ADAMTS16: variants seen among roughly 807,000 people sequenced by gnomAD.
ADAMTS16 encodes the protein A disintegrin and metalloproteinase with thrombospondin motifs 16.
Under a neutral mutation model 145.8 loss-of-function variants are expected in ADAMTS16, and 94 were observed. The observed-to-expected ratio is 0.64, with a 90% confidence interval of 0.55 to 0.77. The LOEUF (loss-of-function observed/expected upper bound fraction) is 0.77. Among genes scored for constraint, ADAMTS16 ranks in the 30% least tolerant of loss-of-function variants. ADAMTS16 has a pLI of 0.00. For synonymous variants in ADAMTS16, 659 were observed against 604.3 expected (o/e 1.09, Z -1.33); for missense variants, 1,585 against 1,591.5 (o/e 1.00, Z 0.07).
At chr5:5,229,015 T>C (rs994174976) in intron 11 of ADAMTS16, among the ~76,000 whole-genome samples, 2 of 152,200 alleles carry the variant, frequency 1.3e-5, no homozygotes, top group Admixed American at 6.5e-5. Context: ...AAGTTCTAAG[T>C]TGGCCGGGCG....
At position 5,242,297 on chromosome 5, in the gene ADAMTS16, C is replaced by G; in HGVS notation, c.2662+106C>G. 4.9e-6 allele frequency: 7 copies of G among 1,422,064 alleles called. No homozygotes were observed. In the South Asian group the frequency reaches 5.7e-5, roughly 12 times the overall value. The allele number at this position is 1,422,064 out of a possible 1,614,324, so 88.1% of individuals were successfully genotyped here. ...TCCTAATGAGCAGCCCGGGGCTTCT[C>G]CCTGCCAGTAGCAGTGACATTCCCA... On this transcript the variant is annotated intron_variant, in intron 17 of 22. Coordinates refer to ENST00000274181, the MANE Select transcript of ADAMTS16 (RefSeq NM_139056.4).
At chr5:5,186,959 T>C (rs928704184) in intron 5 of ADAMTS16, among the ~76,000 whole-genome samples, 6 of 152,228 alleles carry the variant, frequency 3.9e-5, no homozygotes, top group Non-Finnish European at 8.8e-5. Flanking sequence ...CTTTCCATGA[T>C]GTCATGTGAT....
intron 10 of ADAMTS16, among the ~76,000 whole-genome samples, chr5:5,215,870 G>GTATGTGTA: frequency 9.8e-6 from 1 of 101,642 alleles, no homozygotes; most frequent in African/African-American, 5.0e-5. Flanking sequence ...GTGTGTATGT[G>GTATGTGTA]TATATATATA....
At chr5:5,234,957 A>G (rs903751225) in intron 12 of ADAMTS16, 57 bp from the exon 13 acceptor site, 87 of 1,404,776 alleles carry the variant, frequency 6.2e-5, no homozygotes, top group Non-Finnish European at 6.3e-5. Flanking sequence ...GCCTAATTTT[A>G]AAGAATTTAG....
At chr5:5,204,949 G>T (rs1158397) in intron 9 of ADAMTS16, among the ~76,000 whole-genome samples, 97,591 of 151,978 alleles carry the variant, frequency 0.64, 31,890 homozygotes, top group Admixed American at 0.77. Context: ...TTTCATTTTA[G>T]GTATCTGGTG....
intron 21 of ADAMTS16, among the ~76,000 whole-genome samples, chr5:5,316,673 G>C (rs1035086780): frequency 1.3e-5 from 2 of 152,086 alleles, no homozygotes; most frequent in Non-Finnish European, 1.5e-5. Flanking sequence ...CCAAGTATTG[G>C]GGGAGCCTCA....
At position 5,235,038 on chromosome 5, in the gene ADAMTS16, T is replaced by A. The variant is rs1261869730; in HGVS notation, c.1875T>A (p.Cys625Ter). 1 of 1,589,172 alleles carries A rather than the reference T, an allele frequency of 6.3e-7. No homozygotes were observed. Among genetic ancestry groups the A allele is most frequent in the Non-Finnish European group, 8.6e-7 (1 of 1,161,110 alleles). Reference sequence around the variant, plus strand: ...GGCCATCGCATGGAGGGAAGTTCTGTGAGGGCTCCACTCGCACTCTGAAGC... The same window carrying A: ...GGCCATCGCATGGAGGGAAGTTCTGAGAGGGCTCCACTCGCACTCTGAAGC... ...NPKPSHGGKF[C>*]EGSTRTLKLC... Residue 625 changes from cysteine (C) to a stop codon, truncating the protein, a stop_gained, in exon 13 of 23, where the codon TGT (cysteine) becomes TGA (stop). Coordinates refer to ENST00000274181, the MANE Select transcript of ADAMTS16 (RefSeq NM_139056.4). LOFTEE classifies it high-confidence loss of function.
In ADAMTS16 at chr5:5,187,712, CTG is replaced by C. The variant is rs775319896; in HGVS notation, c.964-11_964-10del. ...CATTTATGGGGCTGACATGGATTTC[CTG>C]TCTTTTTCAGGTATCTGCTTTATTC... On this transcript the variant is annotated splice_polypyrimidine_tract_variant and intron_variant, in intron 5 of 22. Coordinates refer to ENST00000274181, the MANE Select transcript of ADAMTS16 (RefSeq NM_139056.4). 1.3e-6 allele frequency: 2 copies of C among 1,595,570 alleles called. No homozygotes were observed. The highest frequency in any genetic ancestry group is 1.7e-6 in the Non-Finnish European group (2 of 1,163,984).
intron 21 of ADAMTS16, among the ~76,000 whole-genome samples, chr5:5,315,161 G>T (rs1374506651): frequency 6.6e-6 from 1 of 152,186 alleles, no homozygotes; most frequent in Non-Finnish European, 1.5e-5. Context: ...GAAGTGCTGA[G>T]GAAAGGGGGA....
chr5:5,318,124 G>A lies in ADAMTS16; in HGVS notation c.3412-10G>A. On this transcript the variant is annotated splice_polypyrimidine_tract_variant and intron_variant, in intron 21 of 22. Coordinates refer to ENST00000274181, the MANE Select transcript of ADAMTS16 (RefSeq NM_139056.4). ...GGGGCCATGGTGACATGTGTGTGTT[G>A]CTCTCACAGTGCACGGCCAGCTGTG... 1.4e-6 allele frequency: 2 copies of A among 1,423,410 alleles called. No homozygotes were observed. Among genetic ancestry groups the A allele is most frequent in the South Asian group, 1.6e-5 (1 of 61,482 alleles). The allele number at this position is 1,423,410 out of a possible 1,614,324, so 88.2% of individuals were successfully genotyped here.
intron 18 of ADAMTS16, among the ~76,000 whole-genome samples, chr5:5,277,580 C>T (rs577410263): frequency 6.6e-6 from 1 of 152,316 alleles, no homozygotes; most frequent in South Asian, 2.1e-4. Flanking sequence ...GCTCCAGCCA[C>T]CCACATTGTC....
Position 5,224,948 on chromosome 5 carries a change from G to A in ADAMTS16, c.1701+2064G>A, listed in dbSNP as rs145659135. ...TGGTTACATTTTATTTATCTCAAAG[G>A]CACCATTAAATTGATTTCCATTGAT... On this transcript the variant is annotated intron_variant, in intron 11 of 22. Coordinates refer to ENST00000274181, the MANE Select transcript of ADAMTS16 (RefSeq NM_139056.4). 7.5e-3 allele frequency among the ~76,000 whole-genome samples: 1,135 copies of A among 151,980 alleles called. 18 individuals carry two copies. Among genetic ancestry groups the A allele is most frequent in the African/African-American group, 0.026 (1,074 of 41,442 alleles).
chr5:5,190,191 C>T, intron 7 of ADAMTS16, 61 bp downstream of exon 7: 2 of 1,483,168 alleles, frequency 1.3e-6, no homozygotes, highest in Non-Finnish European at 1.8e-6. Flanking sequence ...GGCCGTGACA[C>T]AGTGTTGAGT....
At chr5:5,150,932 G>T (rs1015524604) in intron 3 of ADAMTS16, among the ~76,000 whole-genome samples, 8 of 152,070 alleles carry the variant, frequency 5.3e-5, no homozygotes, top group Admixed American at 2.6e-4. Flanking sequence ...TGTATATTTT[G>T]GTATCCATTA....
In ADAMTS16 at chr5:5,209,150, T is replaced by C; in HGVS notation, c.1509T>C (p.Tyr503=). 6.2e-7 allele frequency: 1 copy of C among 1,614,020 alleles called. No individual in the cohort carries two copies. The highest frequency in any genetic ancestry group is 8.5e-7 in the Non-Finnish European group (1 of 1,179,928). Residue 503 remains tyrosine (Y), a synonymous_variant, in exon 10 of 23, where the codon TAT becomes TAC. Coordinates refer to ENST00000274181, the MANE Select transcript of ADAMTS16 (RefSeq NM_139056.4). ...DQPKPVKEYK[Y]PEKLPGELYD... is the part of the protein sequence containing the mutation. ...CAAAGCCTGTGAAGGAATACAAGTA[T>C]CCTGAGAAATTGCCAGGAGAATTAT...
At chr5:5,293,244 C>A (rs1037698078) in intron 18 of ADAMTS16, among the ~76,000 whole-genome samples, 11 of 152,214 alleles carry the variant, frequency 7.2e-5, no homozygotes, top group African/African-American at 1.7e-4. Flanking sequence ...TGGCATTGAA[C>A]CTGAGGACAG....
intron 3 of ADAMTS16, among the ~76,000 whole-genome samples, chr5:5,152,779 A>C (rs1734509473): frequency 6.6e-6 from 1 of 152,230 alleles, no homozygotes; most frequent in African/African-American, 2.4e-5. Context: ...TTATGCACTT[A>C]AGATAATTTC....
chr5:5,260,757 C>A (rs1218078943), intron 17 of ADAMTS16, among the ~76,000 whole-genome samples: 1 of 152,198 alleles, frequency 6.6e-6, no homozygotes, highest in Non-Finnish European at 1.5e-5. Context: ...GGGCCCCACT[C>A]CTTTTGACTA....
intron 3 of ADAMTS16, among the ~76,000 whole-genome samples, chr5:5,162,585 C>G (rs1179828277): frequency 6.6e-6 from 1 of 152,194 alleles, no homozygotes; most frequent in Non-Finnish European, 1.5e-5. Context: ...GCACGGGGAA[C>G]AGCTCTGCAA....
Sources: gnomAD v4.1 joint callset for allele counts (sites outside exome capture counted in the v4.1 genomes callset) on GRCh38, gnomAD v4.1.1 for gene constraint, MANE v1.5 for transcripts, NCBI Gene and HGNC (gene_info 2026-07-23, HGNC 2026-07-21) for gene names.